PLAC1: variants seen among roughly 807,000 people sequenced by gnomAD.
PLAC1 encodes the protein placenta-specific protein 1.
For synonymous variants in PLAC1, 68 were observed against 62.1 expected, an observed-to-expected ratio of 1.09 and a Z score of -0.44; for missense variants, 136 against 163.2, an observed-to-expected ratio of 0.83 and a Z score of 0.91.
intron 1 of PLAC1, among the ~76,000 whole-genome samples, chrX:134,617,733 A>AC: frequency 8.9e-6 from 1 of 112,098 alleles, no homozygotes; most frequent in African/African-American, 3.2e-5. Context: ...TTCTTGCCAC[A>AC]CCAATCTGAC....
At chrX:134,675,746 T>A (rs751599560) in intron 2 of PLAC1, among the ~76,000 whole-genome samples, 6 of 111,120 alleles carry the variant, frequency 5.4e-5, no homozygotes, top group Non-Finnish European at 1.1e-4. Flanking sequence ...TTAGAACTCA[T>A]GGTGTGGGCA....
intron 1 of PLAC1, among the ~76,000 whole-genome samples, chrX:134,603,818 T>C (rs182143731): frequency 4.5e-4 from 50 of 111,693 alleles, no homozygotes; most frequent in African/African-American, 1.6e-3. Flanking sequence ...GGTTGGACTA[T>C]ACGATGTTTA....
intron 2 of PLAC1, among the ~76,000 whole-genome samples, chrX:134,679,798 G>A (rs1350901539): frequency 3.6e-5 from 4 of 112,097 alleles, no homozygotes; most frequent in African/African-American, 1.3e-4. Flanking sequence ...AAGATCAAGA[G>A]GTAGAACTGT....
At chrX:134,589,753 C>T (rs1026888708) in intron 2 of PLAC1, among the ~76,000 whole-genome samples, 1 of 108,023 alleles carries the variant, frequency 9.3e-6, no homozygotes, top group South Asian at 4.1e-4. Context: ...ATACAGTGGA[C>T]CCCCAGACTC....
intron 1 of PLAC1, among the ~76,000 whole-genome samples, chrX:134,647,705 A>C (rs1033628236): frequency 3.6e-5 from 4 of 111,362 alleles, no homozygotes; most frequent in African/African-American, 9.8e-5. Context: ...CTTAGTGTTT[A>C]GTTTTCCTGG....
intron 2 of PLAC1, chrX:134,601,541 G>A (rs754060033): frequency 8.9e-6 from 1 of 111,824 alleles, no homozygotes; most frequent in Admixed American, 9.5e-5. Context: ...CACTCTTTTG[G>A]ATCATTTCAA....
At chrX:134,679,468 T>C (rs983196439) in intron 2 of PLAC1, among the ~76,000 whole-genome samples, 12 of 110,798 alleles carry the variant, frequency 1.1e-4, no homozygotes, top group African/African-American at 3.9e-4. Flanking sequence ...ACAGTGCTGC[T>C]CCTATTCAGC....
chrX:134,700,287 A>T (rs777202148), intron 2 of PLAC1, among the ~76,000 whole-genome samples: 1 of 112,064 alleles, frequency 8.9e-6, no homozygotes, highest in Non-Finnish European at 1.9e-5. Context: ...ACTTAAATAT[A>T]CCATTTCAGT....
In PLAC1 at chrX:134,584,018, GA is replaced by G. The variant is rs760343006; in HGVS notation, c.-58-17279del. Among the ~76,000 whole-genome samples, 772 of 92,713 alleles carry G rather than the reference GA, an allele frequency of 8.3e-3. 7 individuals carry two copies. The highest frequency in any genetic ancestry group is 0.023 in the African/African-American group (576 of 25,186). The allele number at this position is 92,713 out of a possible 115,157, so 80.5% of individuals were successfully genotyped here. The stretch of plus-strand genomic sequence containing the variant: ...TTGAGGAATGTATGTACAAGTGAAT[GA>G]AAAAAAAAAAAAAGAGGTTGCAGGC... On this transcript the variant is annotated intron_variant, in intron 2 of 2. Coordinates refer to ENST00000359237, the MANE Select transcript of PLAC1 (RefSeq NM_021796.4).
intron 2 of PLAC1, among the ~76,000 whole-genome samples, chrX:134,584,557 G>A (rs1217515666): frequency 9.0e-6 from 1 of 110,558 alleles, no homozygotes; most frequent in East Asian, 2.8e-4. Context: ...GACTGACACT[G>A]AAGATTATGC....
At chrX:134,620,503 G>A (rs1032958999) in intron 1 of PLAC1, among the ~76,000 whole-genome samples, 1 of 112,099 alleles carries the variant, frequency 8.9e-6, no homozygotes, top group African/African-American at 3.2e-5. Context: ...ATCCTATGTG[G>A]TGGTCCTATA....
At chrX:134,659,726 C>T (rs889884945), upstream of PLAC1, among the ~76,000 whole-genome samples, 1 of 112,308 alleles carries the variant, frequency 8.9e-6, no homozygotes, top group South Asian at 3.7e-4. Context: ...TAGGTTGATG[C>T]AAAAGTAATT....
intron 2 of PLAC1, among the ~76,000 whole-genome samples, chrX:134,722,986 A>C (rs1569411196): frequency 1.8e-5 from 2 of 110,636 alleles, no homozygotes; most frequent in East Asian, 5.6e-4. Flanking sequence ...TCTCAAAAAA[A>C]AAAAAAGACG....
intron 1 of PLAC1, among the ~76,000 whole-genome samples, chrX:134,754,738 C>G (rs1381388201): frequency 1.0e-5 from 1 of 95,483 alleles, no homozygotes; most frequent in Non-Finnish European, 2.1e-5. Context: ...AAATGTGCTA[C>G]ATTTCGAACA....
At chrX:134,688,762 T>C (rs1208660403) in intron 2 of PLAC1, among the ~76,000 whole-genome samples, 2 of 111,980 alleles carry the variant, frequency 1.8e-5, no homozygotes, top group Non-Finnish European at 3.8e-5. Flanking sequence ...AATATGTCAC[T>C]AGAACACCAT....
chrX:134,626,874 T>G (rs1267231746), intron 1 of PLAC1, among the ~76,000 whole-genome samples: 1 of 111,870 alleles, frequency 8.9e-6, no homozygotes, highest in Non-Finnish European at 1.9e-5. Flanking sequence ...TATCTGAAAA[T>G]TGCCCTGTAT....
intron 1 of PLAC1, among the ~76,000 whole-genome samples, chrX:134,618,428 C>T (rs927241246): frequency 4.5e-5 from 5 of 110,427 alleles, no homozygotes; most frequent in Non-Finnish European, 9.5e-5. Context: ...TTTTTTGAGA[C>T]AGGTTCTCAC....
At chrX:134,738,183 A>G (rs1487431858) in intron 1 of PLAC1, among the ~76,000 whole-genome samples, 1 of 111,702 alleles carries the variant, frequency 9.0e-6, no homozygotes, top group Non-Finnish European at 1.9e-5. Context: ...GAAAAAAGAA[A>G]ATAAAAAGGA....
rs2077875112 is a variant in PLAC1 at position 134,566,389 on chromosome X, T to C, written c.294A>G (p.Ile98Met). 1.7e-6 allele frequency: 2 copies of C among 1,209,895 alleles called. No homozygotes were observed. The highest frequency in any genetic ancestry group is 3.5e-5 in the African/African-American group (2 of 57,112). Residue 98 changes from isoleucine (I) to methionine (M), a missense_variant, in exon 3 of 3, where the codon ATA becomes ATG. By Grantham distance (10) the Ile-to-Met change is conservative (BLOSUM62 1). Coordinates refer to ENST00000359237, the MANE Select transcript of PLAC1 (RefSeq NM_021796.4). ...SQDMVIYSTE[I>M]HYSSKGTPSK... Reference sequence around the variant, plus strand: ...ATGGCGTGCCCTTAGAAGAGTAGTGTATCTCAGTGCTGTAGATAACCATGT... The same window carrying C: ...ATGGCGTGCCCTTAGAAGAGTAGTGCATCTCAGTGCTGTAGATAACCATGT...
Sources: gnomAD v4.1 joint callset for allele counts (sites outside exome capture counted in the v4.1 genomes callset) on GRCh38, gnomAD v4.1.1 for gene constraint, MANE v1.5 for transcripts, NCBI Gene and HGNC (gene_info 2026-07-23, HGNC 2026-07-21) for gene names.